The following PCDH9 variants were observed in gnomAD, a reference collection of about 807,000 sequenced individuals.
The protein encoded by PCDH9 is protocadherin 9.
In PCDH9, 24 loss-of-function variants were observed where a neutral mutation model predicts 70.6. That is an observed-to-expected ratio of 0.34 (90% confidence interval 0.25 to 0.48). The LOEUF (loss-of-function observed/expected upper bound fraction) is 0.48. Among genes scored for constraint, PCDH9 ranks in the 20% least tolerant of loss-of-function variants. The probability of loss-of-function intolerance (pLI) is 0.99; values close to 1 mark genes in which losing one functional copy is unlikely to be tolerated. For missense variants in PCDH9, 1,281 were observed against 1,503.6 expected (o/e 0.85, Z 2.45); for synonymous variants, 562 against 558.5 (o/e 1.01, Z -0.09).
At chr13:67,149,868 T>G (rs2087614167) in intron 2 of PCDH9, among the ~76,000 whole-genome samples, 1 of 152,154 alleles carries the variant, frequency 6.6e-6, no homozygotes, top group South Asian at 2.1e-4. Flanking sequence ...CATATGGTAT[T>G]TTTAATCCCC....
intron 2 of PCDH9, among the ~76,000 whole-genome samples, chr13:66,943,462 A>G (rs1361017364): frequency 6.6e-6 from 1 of 152,100 alleles, no homozygotes; most frequent in Non-Finnish European, 1.5e-5. Context: ...CTACTCCACT[A>G]TCCTCAATAA....
chr13:66,400,521 A>C (rs1442206219), intron 4 of PCDH9, among the ~76,000 whole-genome samples: 2 of 152,210 alleles, frequency 1.3e-5, no homozygotes, highest in African/African-American at 4.8e-5. Flanking sequence ...TACTATATCC[A>C]GATACCTTTA....
At chr13:66,945,872 A>G (rs1026456611) in intron 2 of PCDH9, among the ~76,000 whole-genome samples, 1 of 152,150 alleles carries the variant, frequency 6.6e-6, no homozygotes, top group African/African-American at 2.4e-5. Flanking sequence ...CTTAGGATGG[A>G]ATTGCTAGGC....
At chr13:66,736,381 G>A (rs1332795218) in intron 3 of PCDH9, among the ~76,000 whole-genome samples, 2 of 152,172 alleles carry the variant, frequency 1.3e-5, no homozygotes, top group African/African-American at 2.4e-5. Flanking sequence ...CATTCACAGA[G>A]GAAAGAACAT....
intron 4 of PCDH9, among the ~76,000 whole-genome samples, chr13:66,417,623 C>T (rs1161400248): frequency 1.3e-5 from 2 of 152,190 alleles, no homozygotes; most frequent in African/African-American, 2.4e-5. Flanking sequence ...ACACTCCCCC[C>T]AACAGTGTAA....
intron 3 of PCDH9, among the ~76,000 whole-genome samples, chr13:66,840,862 C>T (rs1283500237): frequency 6.6e-6 from 1 of 152,146 alleles, no homozygotes; most frequent in Non-Finnish European, 1.5e-5. Flanking sequence ...GGTGCAAGAA[C>T]CAAGGGGGTG....
chr13:67,211,316 G>A (rs1294030267), intron 2 of PCDH9: 1 of 151,976 alleles, frequency 6.6e-6, no homozygotes. Context: ...CAGTTGGAAA[G>A]ATCCTTTTAG....
intron 2 of PCDH9, among the ~76,000 whole-genome samples, chr13:67,057,871 T>A (rs2138116107): frequency 6.6e-6 from 1 of 152,294 alleles, no homozygotes; most frequent in East Asian, 1.9e-4. Flanking sequence ...TCCTTTCCTT[T>A]TTCTTCCTTG....
intron 3 of PCDH9, among the ~76,000 whole-genome samples, chr13:66,721,510 T>C (rs541188656): frequency 6.6e-6 from 1 of 152,294 alleles, no homozygotes; most frequent in Non-Finnish European, 1.5e-5. Context: ...GCTTTCTGAG[T>C]ATATTTATGT....
chr13:66,330,959 A>G (rs1955931916), intron 4 of PCDH9, among the ~76,000 whole-genome samples: 1 of 152,142 alleles, frequency 6.6e-6, no homozygotes, highest in Non-Finnish European at 1.5e-5. Context: ...GTTGCAGGAT[A>G]TTTTATTTAT....
At chr13:67,148,391 G>T (rs1401726237) in intron 2 of PCDH9, among the ~76,000 whole-genome samples, 1 of 151,624 alleles carries the variant, frequency 6.6e-6, no homozygotes. Flanking sequence ...TACAGCTGAT[G>T]TACACTGGTT....
At chr13:66,500,487 G>A (rs1375895676) in intron 4 of PCDH9, among the ~76,000 whole-genome samples, 1 of 151,806 alleles carries the variant, frequency 6.6e-6, no homozygotes, top group Non-Finnish European at 1.5e-5. Context: ...TTTTTTAACA[G>A]GATAAGTTTT....
chr13:66,783,055 G>A (rs536332806), intron 3 of PCDH9, among the ~76,000 whole-genome samples: 30 of 152,234 alleles, frequency 2.0e-4, no homozygotes, highest in African/African-American at 7.0e-4. Flanking sequence ...CGTTTAGCTT[G>A]TTGAAGGTCT....
At chr13:66,784,392 C>T (rs1225543264) in intron 3 of PCDH9, among the ~76,000 whole-genome samples, 1 of 152,042 alleles carries the variant, frequency 6.6e-6, no homozygotes, top group Admixed American at 6.6e-5. Flanking sequence ...TGTAAAAGCC[C>T]TCCTAGGACC....
At chr13:66,906,595 C>T (rs962078879) in intron 2 of PCDH9, among the ~76,000 whole-genome samples, 1 of 152,114 alleles carries the variant, frequency 6.6e-6, no homozygotes, top group Admixed American at 6.5e-5. Flanking sequence ...CCAAGCCTCT[C>T]CTGTGTTTCA....
In PCDH9 at chr13:67,178,755, T is replaced by C. The variant is rs185228373; in HGVS notation, c.3036+46650A>G. Among the ~76,000 whole-genome samples, 232 of 152,230 alleles carry C rather than the reference T, an allele frequency of 1.5e-3. 2 individuals carry two copies. The highest frequency in any genetic ancestry group is 0.014 in the Admixed American group (213 of 15,268). On this transcript the variant is annotated intron_variant, in intron 2 of 4. Coordinates refer to ENST00000377865, the MANE Select transcript of PCDH9 (RefSeq NM_203487.3). ...ACTTTTAGATCTCATCTTAAACATG[T>C]TAATGCTAGGAAACATTTGCTGTAT...
intron 3 of PCDH9, among the ~76,000 whole-genome samples, chr13:66,658,148 A>G (rs7318945): frequency 0.031 from 4,773 of 152,254 alleles, 248 homozygotes; most frequent in African/African-American, 0.11. Context: ...TCCCAAAACC[A>G]GTCCCCCGAT....
At chr13:67,046,289 C>T (rs1356007096) in intron 2 of PCDH9, among the ~76,000 whole-genome samples, 2 of 152,124 alleles carry the variant, frequency 1.3e-5, no homozygotes, top group Non-Finnish European at 2.9e-5. Context: ...AGTGATATAG[C>T]CTAAGACTCT....
At chr13:66,753,739 A>G (rs1206261296) in intron 3 of PCDH9, among the ~76,000 whole-genome samples, 3 of 152,166 alleles carry the variant, frequency 2.0e-5, no homozygotes, top group Admixed American at 6.5e-5. Context: ...GTTGATCCAA[A>G]ACTCAACACT....
Sources: gnomAD v4.1 joint callset for allele counts (sites outside exome capture counted in the v4.1 genomes callset) on GRCh38, gnomAD v4.1.1 for gene constraint, MANE v1.5 for transcripts, NCBI Gene and HGNC (gene_info 2026-07-23, HGNC 2026-07-21) for gene names.